Variants in CHL1 observed in about 807,000 individuals in gnomAD.
CHL1 encodes the protein neural cell adhesion molecule L1-like protein.
CHL1 carries 96 observed loss-of-function variants against 141.9 expected under a neutral mutation model. That is an observed-to-expected ratio of 0.68 (90% confidence interval 0.57 to 0.80). The LOEUF (loss-of-function observed/expected upper bound fraction) is 0.80, where lower values mean the gene tolerates loss of function less well. Ranked by LOEUF, CHL1 falls within the 30% of genes least tolerant of loss-of-function variation. The probability of loss-of-function intolerance (pLI) is 0.00; values close to 1 mark genes in which losing one functional copy is unlikely to be tolerated. For synonymous variants in CHL1, 613 were observed against 502.2 expected (o/e 1.22, Z -2.95); for missense variants, 1,820 against 1,457.2 (o/e 1.25, Z -4.05).
At chr3:330,473 G>C (rs999280020) in intron 5 of CHL1, among the ~76,000 whole-genome samples, 1 of 152,020 alleles carries the variant, frequency 6.6e-6, no homozygotes, top group Non-Finnish European at 1.5e-5. Context: ...GAATAAACTG[G>C]AGTGAAGGGA....
rs1425652523 is a variant in CHL1, at chr3:409,357, T to G, written c.*3646T>G. On this transcript the variant is annotated 3_prime_UTR_variant, in exon 28 of 28. Coordinates refer to ENST00000256509, the MANE Select transcript of CHL1 (RefSeq NM_006614.4). ...TATGACTATGTATGGTTTGAAAATA[T>G]TTTCATTATACATGAAATTCAACTT... 2 of 152,090 alleles carry G rather than the reference T, an allele frequency of 1.3e-5. No homozygotes were observed. The highest frequency in any genetic ancestry group is 1.3e-4 in the Admixed American group (2 of 15,248). The allele number at this position is 152,090 out of a possible 1,614,324, so 9.4% of individuals were successfully genotyped here. A position where few individuals can be genotyped will look rare whatever the true frequency, so the allele number is the denominator to read the frequency against.
chr3:343,649 T>A lies in CHL1; in HGVS notation c.727+618T>A, dbSNP rs1702528307. Among the ~76,000 whole-genome samples the A allele has an allele frequency of 2.0e-5, 3 of 152,312 alleles. No individual in the cohort carries two copies. In the South Asian group the frequency reaches 6.2e-4, roughly 32 times the overall value. On this transcript the variant is annotated intron_variant, in intron 8 of 27. Transcript: ENST00000256509. ...TCTATAATGAGAAGAGTCAGTTACA[T>A]AATTGCAGCAAATATTCTCTATAAA...
intron 2 of CHL1, among the ~76,000 whole-genome samples, chr3:308,343 G>T (rs959599440): frequency 6.6e-6 from 1 of 152,084 alleles, no homozygotes; most frequent in Admixed American, 6.5e-5. Flanking sequence ...CTCATAAAAT[G>T]TACAGTCTCC....
intron 2 of CHL1, among the ~76,000 whole-genome samples, chr3:292,427 A>C (rs1697774411): frequency 6.6e-6 from 1 of 152,230 alleles, no homozygotes; most frequent in Non-Finnish European, 1.5e-5. Context: ...TCATTCAGTA[A>C]GTCCTCTTTT....
chr3:276,612 G>T (rs1316355250), intron 2 of CHL1, among the ~76,000 whole-genome samples: 1 of 152,016 alleles, frequency 6.6e-6, no homozygotes, highest in Admixed American at 6.6e-5. Flanking sequence ...CTCTGGGGCT[G>T]GGCACGGTGG....
intron 1 of CHL1, among the ~76,000 whole-genome samples, chr3:242,455 G>A (rs1376324929): frequency 2.0e-5 from 3 of 146,668 alleles, no homozygotes; most frequent in African/African-American, 5.0e-5. Flanking sequence ...AATTATCCCG[G>A]CGTGGTGGTG....
intron 5 of CHL1, among the ~76,000 whole-genome samples, chr3:338,321 GA>G (rs541340100): frequency 1.1e-4 from 17 of 152,022 alleles, no homozygotes; most frequent in African/African-American, 4.1e-4. Flanking sequence ...CTCATTTACC[GA>G]AAAAAATATT....
At chr3:364,189 G>A (rs1411696476) in intron 14 of CHL1, among the ~76,000 whole-genome samples, 1 of 150,854 alleles carries the variant, frequency 6.6e-6, no homozygotes, top group Non-Finnish European at 1.5e-5. Context: ...TTCTTTTGCT[G>A]TACATCCTTT....
chr3:307,275 T>C (rs74781841), intron 2 of CHL1, among the ~76,000 whole-genome samples: 3,361 of 152,318 alleles, frequency 0.022, 123 homozygotes, highest in African/African-American at 0.076. Flanking sequence ...CCATCAAATG[T>C]ACACATATGC....
At chr3:308,615 T>C (rs1219050757) in intron 2 of CHL1, 1 of 149,666 alleles carries the variant, frequency 6.7e-6, no homozygotes, top group African/African-American at 2.4e-5. Flanking sequence ...AGAACATATA[T>C]ATGTTATAAT....
At chr3:225,805 T>A (rs374325890) in intron 1 of CHL1, among the ~76,000 whole-genome samples, 1 of 151,966 alleles carries the variant, frequency 6.6e-6, no homozygotes, top group Admixed American at 6.6e-5. Flanking sequence ...GTCAGGAGAT[T>A]GAGGCCATCC....
intron 2 of CHL1, among the ~76,000 whole-genome samples, chr3:265,897 C>A (rs577232628): frequency 6.6e-6 from 1 of 152,232 alleles, no homozygotes; most frequent in East Asian, 1.9e-4. Context: ...TTTTGAACTT[C>A]CACCAAAAAT....
chr3:238,089 G>C (rs1559316651), intron 1 of CHL1, among the ~76,000 whole-genome samples: 1 of 152,086 alleles, frequency 6.6e-6, no homozygotes, highest in Non-Finnish European at 1.5e-5. Flanking sequence ...CATTTTTGCA[G>C]TACTAGTAGC....
chr3:213,768 C>T (rs1271481335), intron 1 of CHL1: 1 of 152,144 alleles, frequency 6.6e-6, no homozygotes, highest in East Asian at 1.9e-4. Context: ...GCAAAGAAGA[C>T]ATTCAATTGC....
At chr3:392,255 G>A (rs1459888623) in intron 23 of CHL1, among the ~76,000 whole-genome samples, 1 of 152,228 alleles carries the variant, frequency 6.6e-6, no homozygotes, top group Admixed American at 6.5e-5. Flanking sequence ...TGAGTGATGT[G>A]ATGGAGATTC....
chr3:350,368 A>G (rs1404575898), intron 10 of CHL1, among the ~76,000 whole-genome samples: 1 of 152,174 alleles, frequency 6.6e-6, no homozygotes, highest in East Asian at 1.9e-4. Flanking sequence ...GGATCCAATC[A>G]CACTGAGGCT....
chr3:237,385 C>T (rs373575522), intron 1 of CHL1, among the ~76,000 whole-genome samples: 3 of 152,202 alleles, frequency 2.0e-5, no homozygotes, highest in Non-Finnish European at 2.9e-5. Flanking sequence ...TCAATTAAAC[C>T]TCTTTTCTTT....
intron 2 of CHL1, among the ~76,000 whole-genome samples, chr3:257,860 GA>G (rs1364819683): frequency 5.3e-5 from 8 of 152,076 alleles, no homozygotes; most frequent in African/African-American, 1.7e-4. Flanking sequence ...GTACAGATAT[GA>G]AAAAAATCAT....
At chr3:220,006 C>G (rs1700689071) in intron 1 of CHL1, among the ~76,000 whole-genome samples, 1 of 152,090 alleles carries the variant, frequency 6.6e-6, no homozygotes, top group African/African-American at 2.4e-5. Flanking sequence ...AAGGGATGGA[C>G]TACTGATATA....
Sources: allele counts gnomAD v4.1 joint callset (sites outside exome capture counted in the v4.1 genomes callset), GRCh38; gene constraint gnomAD v4.1.1; transcripts MANE v1.5; gene names NCBI Gene and HGNC (gene_info 2026-07-23, HGNC 2026-07-21).